MBD5: variants seen among roughly 807,000 people sequenced by gnomAD.
MBD5 encodes the protein methyl-CpG-binding domain protein 5.
Under a neutral mutation model 117.3 loss-of-function variants are expected in MBD5, and 13 were observed. That is an observed-to-expected ratio of 0.11 (90% confidence interval 0.07 to 0.18). MBD5 has a LOEUF of 0.18. Among genes scored for constraint, MBD5 ranks in the 10% least tolerant of loss-of-function variants. The probability of loss-of-function intolerance (pLI) is 1.00; values close to 1 mark genes in which losing one functional copy is unlikely to be tolerated. For missense variants in MBD5, 1,879 were observed against 2,093.8 expected, an observed-to-expected ratio of 0.90 and a Z score of 2.00; for synonymous variants, 727 against 766.4, an observed-to-expected ratio of 0.95 and a Z score of 0.85.
intron 1 of MBD5, among the ~76,000 whole-genome samples, chr2:148,169,792 A>G (rs985037536): frequency 6.6e-6 from 1 of 152,172 alleles, no homozygotes; most frequent in Non-Finnish European, 1.5e-5. Context: ...TGTCTGGGCA[A>G]GTTGCAAGAG....
chr2:148,236,188 GT>G (rs1700088335), intron 3 of MBD5, among the ~76,000 whole-genome samples: 1 of 152,228 alleles, frequency 6.6e-6, no homozygotes, highest in East Asian at 1.9e-4. Flanking sequence ...TGGGATGGCT[GT>G]GGCGATATAT....
intron 4 of MBD5, among the ~76,000 whole-genome samples, chr2:148,454,647 G>A (rs1178478126): frequency 6.6e-6 from 1 of 151,986 alleles, no homozygotes; most frequent in East Asian, 1.9e-4. Context: ...GAGGGGATTG[G>A]GCTGAAAAGG....
At chr2:148,473,267 G>T (rs1487267664) in intron 8 of MBD5, among the ~76,000 whole-genome samples, 1 of 152,080 alleles carries the variant, frequency 6.6e-6, no homozygotes, top group African/African-American at 2.4e-5. Flanking sequence ...CCTTATTAGT[G>T]AATCACATTT....
intron 8 of MBD5, among the ~76,000 whole-genome samples, chr2:148,482,643 G>A (rs907984262): frequency 5.9e-5 from 9 of 151,934 alleles, no homozygotes; most frequent in Non-Finnish European, 1.0e-4. Flanking sequence ...ACTTTTGTGG[G>A]TTTCTTTTCA....
chr2:148,326,926 C>T (rs4355056), intron 3 of MBD5, among the ~76,000 whole-genome samples: 38,599 of 147,026 alleles, frequency 0.26, 5,269 homozygotes, highest in Admixed American at 0.3. Context: ...AGTTTCTTCC[C>T]AGTCTCGATG....
Position 148,402,019 on chromosome 2 carries a change from G to A in MBD5, c.-556-56184G>A, listed in dbSNP as rs145695388. ...GACAAATACTTGGAAGTGATATCCC[G>A]TTCTCGGTGCTTTATAGTAGGGTCA... On this transcript the variant is annotated intron_variant, in intron 4 of 13. Transcript: ENST00000642680. 1.3e-3 allele frequency among the ~76,000 whole-genome samples: 193 copies of A among 151,710 alleles called. 1 individual carries two copies. The highest frequency in any genetic ancestry group is 1.3e-3 in the South Asian group (6 of 4,778).
intron 4 of MBD5, among the ~76,000 whole-genome samples, chr2:148,366,947 T>G (rs1456625062): frequency 1.3e-5 from 2 of 152,160 alleles, no homozygotes; most frequent in Non-Finnish European, 2.9e-5. Context: ...AAGCTACCAT[T>G]GACTTTCCTC....
intron 3 of MBD5, among the ~76,000 whole-genome samples, chr2:148,338,582 T>G (rs1053263910): frequency 2.6e-5 from 4 of 152,102 alleles, no homozygotes. Flanking sequence ...GACATGTCAG[T>G]GGGGAAATGA....
At chr2:148,354,862 CT>C (rs1488088266) in intron 4 of MBD5, among the ~76,000 whole-genome samples, 2 of 152,154 alleles carry the variant, frequency 1.3e-5, no homozygotes, top group South Asian at 2.1e-4. Flanking sequence ...TCTCTGTAAG[CT>C]TTTTTTCATA....
chr2:148,465,883 T>C (rs1707245805), intron 7 of MBD5, among the ~76,000 whole-genome samples: 2 of 152,200 alleles, frequency 1.3e-5, no homozygotes, highest in African/African-American at 2.4e-5. Flanking sequence ...TAATATCATA[T>C]AGATTTACCA....
At chr2:148,355,804 T>C (rs1365999678) in intron 4 of MBD5, among the ~76,000 whole-genome samples, 2 of 152,338 alleles carry the variant, frequency 1.3e-5, no homozygotes, top group Non-Finnish European at 2.9e-5. Flanking sequence ...TAGTTTTTTC[T>C]AATTCTGTGA....
intron 3 of MBD5, among the ~76,000 whole-genome samples, chr2:148,290,014 A>T (rs137917599): frequency 0.01 from 1,439 of 143,822 alleles, 25 homozygotes; most frequent in African/African-American, 0.036. Context: ...GGAGTGCAGT[A>T]GCACGATCTT....
chr2:148,288,399 C>CAAAAAAAGAAAAAAAAAAA (rs1701416620), intron 3 of MBD5, among the ~76,000 whole-genome samples: 1 of 37,790 alleles, frequency 2.6e-5, no homozygotes, highest in Non-Finnish European at 5.4e-5. Flanking sequence ...GACTCCGTCT[C>CAAAAAAAGAAAAAAAAAAA]AAAAAAAAAA....
intron 6 of MBD5, among the ~76,000 whole-genome samples, chr2:148,463,440 A>C (rs1053451100): frequency 6.6e-6 from 1 of 152,160 alleles, no homozygotes; most frequent in Non-Finnish European, 1.5e-5. Flanking sequence ...CTGTTTTTAC[A>C]CTGTTAGAAC....
At chr2:148,273,810 G>T (rs975038596) in intron 3 of MBD5, among the ~76,000 whole-genome samples, 1 of 152,078 alleles carries the variant, frequency 6.6e-6, no homozygotes, top group African/African-American at 2.4e-5. Context: ...GGCATTTTTG[G>T]GCAGCAGGGA....
chr2:148,278,204 G>C (rs1288472550), intron 3 of MBD5, among the ~76,000 whole-genome samples: 1 of 152,046 alleles, frequency 6.6e-6, no homozygotes, highest in African/African-American at 2.4e-5. Flanking sequence ...CATTCGTATT[G>C]TTATTATGAT....
At chr2:148,130,286 AG>A (rs1371291622) in intron 1 of MBD5, among the ~76,000 whole-genome samples, 3 of 152,204 alleles carry the variant, frequency 2.0e-5, no homozygotes, top group African/African-American at 7.2e-5. Context: ...ATAGCAGATT[AG>A]AACTACTGTA....
intron 4 of MBD5, among the ~76,000 whole-genome samples, chr2:148,420,447 A>C (rs35340064): frequency 0.05 from 7,640 of 152,220 alleles, 276 homozygotes; most frequent in South Asian, 0.089. Context: ...TTTATTTTTG[A>C]AATAATTTAA....
chr2:148,512,904 G>T lies in MBD5; in HGVS notation c.5147G>T (p.Arg1716Ile), dbSNP rs534850589. 6.2e-7 allele frequency: 1 copy of T among 1,613,750 alleles called. No homozygotes were observed. The highest frequency in any genetic ancestry group is 2.2e-5 in the East Asian group (1 of 44,876). ...ATCCCACAGGGTGACAGACAAATGA[G>T]ACCCCCCAAACCCAAGAGGAGGAAG... ...HQIPQGDRQM[R>I]PPKPKRRKIS... is the part of the protein sequence containing the mutation. The change falls in exon 14 of 14, where the codon AGA becomes ATA. Residue 1716 changes from arginine to isoleucine, a missense_variant. Arg to Ile is a moderately conservative substitution (Grantham distance 97, BLOSUM62 -3). Around this residue, in one of 4 missense-constraint regions of MBD5, gnomAD observed 135 missense variants for 148.0 expected, o/e 0.91. Transcript: ENST00000642680.
Sources: allele counts gnomAD v4.1 joint callset (sites outside exome capture counted in the v4.1 genomes callset), GRCh38; gene constraint gnomAD v4.1.1; regional missense constraint gnomAD v4.1.1; transcripts MANE v1.5; gene names NCBI Gene and HGNC (gene_info 2026-07-23, HGNC 2026-07-21).